FNDC3B: variants seen among roughly 807,000 people sequenced by gnomAD.
The protein encoded by FNDC3B is fibronectin type III domain containing 3B, also known as fibronectin type III domain-containing protein 3B.
Under a neutral mutation model 151.5 loss-of-function variants are expected in FNDC3B, and 12 were observed. That is an observed-to-expected ratio of 0.08 (90% CI 0.05 to 0.13). FNDC3B has a LOEUF of 0.13. FNDC3B is among the 10% of genes least tolerant of loss of function. The probability of loss-of-function intolerance (pLI) is 1.00; values close to 1 mark genes in which losing one functional copy is unlikely to be tolerated. For synonymous variants in FNDC3B, 528 were observed against 549.0 expected, an observed-to-expected ratio of 0.96 and a Z score of 0.54; for missense variants, 1,214 against 1,505.3, an observed-to-expected ratio of 0.81 and a Z score of 3.20.
Position 172,329,035 on chromosome 3 carries a change from G to C in FNDC3B, c.1338G>C (p.Gly446=). The part of the protein sequence containing the change: ...CKLTKLCPAM[G]YTFRLAARND... Reference sequence around the variant, plus strand: ...TGACAAAGCTTTGTCCGGCAATGGGGTACACATTCAGGCTGGCCGCTCGAA... The same window carrying C: ...TGACAAAGCTTTGTCCGGCAATGGGCTACACATTCAGGCTGGCCGCTCGAA... Residue 446 remains glycine (G), a synonymous_variant, in exon 12 of 26, where the codon GGG becomes GGC. Transcript: ENST00000415807. The C allele has an allele frequency of 6.2e-7, 1 of 1,613,844 alleles. No homozygotes were observed. The highest frequency in any genetic ancestry group is 1.1e-5 in the South Asian group (1 of 91,036).
chr3:172,117,801 T>C (rs1720339245), intron 2 of FNDC3B, among the ~76,000 whole-genome samples: 1 of 152,242 alleles, frequency 6.6e-6, no homozygotes, highest in African/African-American at 2.4e-5. Flanking sequence ...GTCATACTAT[T>C]CTTCTTCTCT....
intron 3 of FNDC3B, among the ~76,000 whole-genome samples, chr3:172,154,855 C>G (rs1409136830): frequency 6.6e-6 from 1 of 152,064 alleles, no homozygotes; most frequent in Non-Finnish European, 1.5e-5. Context: ...TTCGTGATCT[C>G]TCCAGGAGCT....
At chr3:172,378,150 C>T in intron 23 of FNDC3B, 120 bp from the exon 24 acceptor site, 2 of 708,888 alleles carry the variant, frequency 2.8e-6, no homozygotes, top group Non-Finnish European at 4.5e-6. Flanking sequence ...ATTATTAATT[C>T]AGAATGTATG....
intron 4 of FNDC3B, among the ~76,000 whole-genome samples, chr3:172,246,214 TC>T (rs1293502924): frequency 2.6e-5 from 4 of 152,052 alleles, no homozygotes; most frequent in Admixed American, 6.5e-5. Flanking sequence ...AAACAAAACT[TC>T]CTGTCAGAGT....
At chr3:172,223,491 A>G (rs1376019497) in intron 3 of FNDC3B, among the ~76,000 whole-genome samples, 2 of 152,234 alleles carry the variant, frequency 1.3e-5, no homozygotes, top group Non-Finnish European at 2.9e-5. Flanking sequence ...CTAGCTGTAA[A>G]TCACATGCTT....
rs57920659 is a variant in FNDC3B at position 172,075,724 on chromosome 3, AACACACACACACAC to A, written c.-29+35983_-29+35996del. Among the ~76,000 whole-genome samples, 440 of 146,930 alleles carry A rather than the reference AACACACACACACAC, an allele frequency of 3.0e-3. 1 individual carries two copies. Among genetic ancestry groups the A allele is most frequent in the Admixed American group, 5.1e-3 (75 of 14,836 alleles). On this transcript the variant is annotated intron_variant, in intron 1 of 25. Transcript: ENST00000415807. ...ACATATTTTACATTGTAGCCCAGTAAACACACACACACACACACACACACACACACACACACACA... is the reference window on the plus strand; with the variant it reads ...ACATATTTTACATTGTAGCCCAGTAAACACACACACACACACACACACACA...
intron 4 of FNDC3B, among the ~76,000 whole-genome samples, chr3:172,230,503 C>CAA (rs35745761): frequency 8.1e-5 from 9 of 111,596 alleles, no homozygotes; most frequent in East Asian, 4.6e-4. Context: ...GACTCTGTCT[C>CAA]AAAAAAAAAA....
intron 7 of FNDC3B, among the ~76,000 whole-genome samples, chr3:172,294,074 T>C (rs1170302921): frequency 6.6e-6 from 1 of 152,258 alleles, no homozygotes; most frequent in Non-Finnish European, 1.5e-5. Context: ...TTTAGACAGT[T>C]ACAGCGTTAA....
At chr3:172,084,500 C>CACACACACACAT (rs1553759317) in intron 1 of FNDC3B, among the ~76,000 whole-genome samples, 2 of 151,684 alleles carry the variant, frequency 1.3e-5, no homozygotes, top group African/African-American at 4.8e-5. Context: ...CACACACACA[C>CACACACACACAT]GTATATTCTG....
intron 3 of FNDC3B, among the ~76,000 whole-genome samples, chr3:172,159,301 A>G (rs988610701): frequency 1.3e-5 from 2 of 152,092 alleles, no homozygotes; most frequent in Non-Finnish European, 2.9e-5. Context: ...TTATTTGGGT[A>G]TATTGGTGTG....
intron 3 of FNDC3B, among the ~76,000 whole-genome samples, chr3:172,206,422 G>T (rs146029781): frequency 6.4e-4 from 97 of 152,208 alleles, no homozygotes; most frequent in African/African-American, 2.1e-3. Context: ...ACTTTGGGAG[G>T]CCAAGGCTGG....
chr3:172,247,319 A>G (rs1039027), intron 4 of FNDC3B, among the ~76,000 whole-genome samples: 95,479 of 152,088 alleles, frequency 0.63, 32,222 homozygotes, highest in African/African-American at 0.9. Context: ...ATCAGATGTC[A>G]ATGAATAATT....
intron 11 of FNDC3B, chr3:172,316,279 T>A (rs918417407): frequency 2.6e-5 from 10 of 391,722 alleles, no homozygotes; most frequent in Admixed American, 2.3e-4. Flanking sequence ...GGATTACAGG[T>A]GTGAGCCACC....
intron 3 of FNDC3B, among the ~76,000 whole-genome samples, chr3:172,137,653 A>G (rs969444085): frequency 2.0e-5 from 3 of 151,600 alleles, no homozygotes; most frequent in Admixed American, 1.3e-4. Context: ...ATTAAAAAAG[A>G]AAAAAAAATG....
chr3:172,391,984 GAAAA>G (rs3215322), intron 25 of FNDC3B, among the ~76,000 whole-genome samples: 1 of 150,252 alleles, frequency 6.7e-6, no homozygotes, highest in South Asian at 2.1e-4. Flanking sequence ...TATCTTTAAA[GAAAA>G]AAAAAATGGC....
chr3:172,333,316 G>A, intron 14 of FNDC3B, 141 bp downstream of exon 14: 3 of 626,466 alleles, frequency 4.8e-6, no homozygotes, highest in Non-Finnish European at 5.7e-6. Context: ...TTTATAAAGT[G>A]TACAACATGC....
At chr3:172,094,298 G>T (rs113792312) in intron 1 of FNDC3B, among the ~76,000 whole-genome samples, 1 of 152,232 alleles carries the variant, frequency 6.6e-6, no homozygotes, top group Non-Finnish European at 1.5e-5. Flanking sequence ...CCTCATAGCC[G>T]TTGGCAGTTG....
At chr3:172,281,451 G>A (rs921715325) in intron 6 of FNDC3B, among the ~76,000 whole-genome samples, 1 of 152,096 alleles carries the variant, frequency 6.6e-6, no homozygotes, top group African/African-American at 2.4e-5. Flanking sequence ...GTAGAAAATG[G>A]TTTTCATGTT....
chr3:172,320,682 A>G (rs1368730526), intron 11 of FNDC3B, among the ~76,000 whole-genome samples: 1 of 152,228 alleles, frequency 6.6e-6, no homozygotes, highest in East Asian at 1.9e-4. Context: ...GTAATTAGAA[A>G]TGTTAGTCAG....
Sources: allele counts gnomAD v4.1 joint callset (sites outside exome capture counted in the v4.1 genomes callset), GRCh38; gene constraint gnomAD v4.1.1; transcripts MANE v1.5; gene names NCBI Gene and HGNC (gene_info 2026-07-23, HGNC 2026-07-21).